The following POMZP3 variants were observed in gnomAD, a reference collection of about 807,000 sequenced individuals.
POMZP3 encodes POM121 and ZP3 fusion.
Under a neutral mutation model 19.8 loss-of-function variants are expected in POMZP3, and 10 were observed. The ratio of observed to expected loss-of-function variants is 0.51; its 90% CI spans 0.31 to 0.86. The LOEUF (loss-of-function observed/expected upper bound fraction) is 0.86, where lower values mean the gene tolerates loss of function less well. Ranked by LOEUF, POMZP3 falls within the 40% of genes least tolerant of loss-of-function variation. The pLI, the probability that POMZP3 is intolerant of heterozygous loss-of-function variation, is 0.04. For synonymous variants in POMZP3, 57 were observed against 85.8 expected (o/e 0.66, Z 1.85); for missense variants, 152 against 228.1 (o/e 0.67, Z 2.15).
chr7:76,624,698 G>T (rs1477424190), intron 3 of POMZP3, among the ~76,000 whole-genome samples: 2 of 149,552 alleles, frequency 1.3e-5, no homozygotes, highest in South Asian at 4.3e-4. Context: ...CACCTGCCTG[G>T]GCCTCTCAAG....
chr7:76,623,069 A>C (rs1218930122), intron 3 of POMZP3, among the ~76,000 whole-genome samples: 2 of 151,522 alleles, frequency 1.3e-5, no homozygotes, highest in African/African-American at 4.9e-5. Flanking sequence ...ATGGAGTTGC[A>C]CTATGTTGGC....
Position 76,618,072 on chromosome 7 carries a change from T to TG in POMZP3, c.345+110dup, listed in dbSNP as rs1298977827. 3.8e-6 allele frequency: 3 copies of TG among 786,024 alleles called. No individual in the cohort carries two copies. In the African/African-American group the frequency reaches 5.5e-5, roughly 15 times the overall value. 48.7% of individuals were successfully genotyped at this position (786,024 alleles called of 1,614,324 possible). On this transcript the variant is annotated intron_variant, in intron 4 of 6. Coordinates refer to ENST00000310842, the MANE Select transcript of POMZP3 (RefSeq NM_012230.5). ...GGCTTTACTTGTAAGTTTGAGTTAC[T>TG]GGGACACAGCTCTAAGTCATTTGCT...
intron 3 of POMZP3, among the ~76,000 whole-genome samples, chr7:76,624,917 G>C (rs1304315697): frequency 2.0e-5 from 3 of 151,002 alleles, no homozygotes; most frequent in Non-Finnish European, 4.4e-5. Context: ...CAGATCACGA[G>C]GTCAGGAGTT....
chr7:76,622,379 T>G (rs1475092231), intron 3 of POMZP3, among the ~76,000 whole-genome samples: 2 of 79,848 alleles, frequency 2.5e-5, no homozygotes, highest in Non-Finnish European at 5.3e-5. Flanking sequence ...CTCAAGTTTT[T>G]TTTTTTTTTT....
At chr7:76,614,990 G>A (rs908131341) in intron 4 of POMZP3, among the ~76,000 whole-genome samples, 6 of 117,098 alleles carry the variant, frequency 5.1e-5, no homozygotes, top group Admixed American at 8.6e-5. Flanking sequence ...TGGGATTACA[G>A]ATGTGAACCA....
At chr7:76,620,780 C>G (rs1815509623) in intron 3 of POMZP3, among the ~76,000 whole-genome samples, 1 of 149,816 alleles carries the variant, frequency 6.7e-6, no homozygotes, top group Admixed American at 6.7e-5. Flanking sequence ...TGAGCCCTTT[C>G]AAAACATGTT....
rs1815953675 is a variant in POMZP3, at chr7:76,627,172, A to G, written c.-616T>C. ...GAGGCCGACCAGCGACAGGCCGAGA[A>G]GCGCCGCCCCGGCCGGCCCTGACAC... On this transcript the variant is annotated 5_prime_UTR_variant, in exon 1 of 7. Transcript: ENST00000310842. 13 of 1,444,980 alleles carry G rather than the reference A, an allele frequency of 9.0e-6. 2 individuals carry two copies. The highest frequency in any genetic ancestry group is 1.0e-5 in the Non-Finnish European group (11 of 1,087,868). The allele number at this position is 1,444,980 out of a possible 1,614,324, so 89.5% of individuals were successfully genotyped here.
chr7:76,620,870 T>G (rs1815519483), intron 3 of POMZP3, among the ~76,000 whole-genome samples: 1 of 124,710 alleles, frequency 8.0e-6, no homozygotes, highest in Admixed American at 8.0e-5. Flanking sequence ...CATTTTTTTT[T>G]TTTTTTTTTT....
At chr7:76,621,957 A>C in intron 3 of POMZP3, among the ~76,000 whole-genome samples, 1 of 107,806 alleles carries the variant, frequency 9.3e-6, no homozygotes, top group Non-Finnish European at 2.1e-5. Context: ...ATAAATAAAT[A>C]AATAAATAAA....
chr7:76,626,698 C>T lies in POMZP3; in HGVS notation c.-152+10G>A. Reference sequence around the variant, plus strand: ...CCAAAGGATGATCTGGGAAAATCAGCGCATCTCACCGTGGGGAAGGCCTCC... The same window carrying T: ...CCAAAGGATGATCTGGGAAAATCAGTGCATCTCACCGTGGGGAAGGCCTCC... On this transcript the variant is annotated intron_variant, in intron 1 of 6. Coordinates refer to ENST00000310842, the MANE Select transcript of POMZP3 (RefSeq NM_012230.5). The T allele has an allele frequency of 2.2e-6, 3 of 1,378,176 alleles. No individual in the cohort carries two copies. The allele number at this position is 1,378,176 out of a possible 1,614,324, so 85.4% of individuals were successfully genotyped here.
At position 76,625,648 on chromosome 7, in the gene POMZP3, G is replaced by A; in HGVS notation, c.101C>T (p.Pro34Leu). 6.2e-7 allele frequency: 1 copy of A among 1,613,858 alleles called. No homozygotes were observed. Among genetic ancestry groups the A allele is most frequent in the East Asian group, 2.2e-5 (1 of 44,860 alleles). Residue 34 changes from proline (P) to leucine (L), a missense_variant, in exon 3 of 7, where the codon CCA becomes CTA. Pro to Leu is a moderately conservative substitution (Grantham distance 98, BLOSUM62 -3). Transcript: ENST00000310842. ...ACATGGGTCTGGGGCATTACTTGAT[G>A]GTGAGGACAGTGTTGAGCTGATTAT... ...EQIISSTLSS[P>L]SSNAPDPCAK...
intron 2 of POMZP3, 23 bp downstream of exon 2, chr7:76,625,977 A>G (rs1485364505): frequency 1.9e-6 from 3 of 1,613,070 alleles, no homozygotes; most frequent in Non-Finnish European, 2.5e-6. Flanking sequence ...AAGGGAGAGT[A>G]TTCTTCCAAC....
intron 6 of POMZP3, among the ~76,000 whole-genome samples, chr7:76,611,192 C>G (rs894576670): frequency 6.6e-6 from 1 of 150,954 alleles, no homozygotes; most frequent in African/African-American, 2.4e-5. Flanking sequence ...TTAACAACTG[C>G]TATATTTCCC....
intron 3 of POMZP3, among the ~76,000 whole-genome samples, chr7:76,624,581 G>A (rs1169579819): frequency 6.6e-6 from 1 of 150,982 alleles, no homozygotes; most frequent in Non-Finnish European, 1.5e-5. Flanking sequence ...GAGTAGCTGG[G>A]ACTACAGGCA....
chr7:76,623,818 G>C (rs1045772908), intron 3 of POMZP3, among the ~76,000 whole-genome samples: 1 of 151,918 alleles, frequency 6.6e-6, no homozygotes, highest in South Asian at 2.1e-4. Context: ...AAAAGAAAGA[G>C]AGAGAGAGAG....
Position 76,625,580 on chromosome 7 carries a change from TC to T in POMZP3, c.168del (p.Arg58GlyfsTer58). On this transcript the variant is annotated frameshift_variant, in exon 3 of 7. Coordinates refer to ENST00000310842, the MANE Select transcript of POMZP3 (RefSeq NM_012230.5). LOFTEE classifies it high-confidence loss of function. ...TVLSALKEKK[K>X]KRTVEEEDQI... ...TGGTCTTCTTCCTCCACTGTCCTTT[TC>T]TTCTTCTTCTCTTTGAGGGCACTCA... 6.2e-7 allele frequency: 1 copy of T among 1,611,242 alleles called. No homozygotes were observed. The highest frequency in any genetic ancestry group is 2.3e-5 in the East Asian group (1 of 43,638).
At chr7:76,624,843 A>T (rs1815776076) in intron 3 of POMZP3, among the ~76,000 whole-genome samples, 1 of 151,492 alleles carries the variant, frequency 6.6e-6, no homozygotes, top group Admixed American at 6.6e-5. Flanking sequence ...AAGACACTAG[A>T]ACTGGTGGGC....
In POMZP3 at chr7:76,611,443, C is replaced by G. The variant is rs1376953494; in HGVS notation, c.*11+11G>C. ...GACAATGAACAGCCTCTTGGCCATT[C>G]TATGACATACCATGCCTGCGGTTAC... On this transcript the variant is annotated intron_variant, in intron 6 of 6. Transcript: ENST00000310842. The G allele has an allele frequency of 2.6e-6, 4 of 1,548,418 alleles. 1 individual carries two copies. The highest frequency in any genetic ancestry group is 1.9e-5 in the Admixed American group (1 of 53,882).
At chr7:76,615,015 C>G (rs1815241925) in intron 4 of POMZP3, among the ~76,000 whole-genome samples, 2 of 122,922 alleles carry the variant, frequency 1.6e-5, no homozygotes, top group South Asian at 5.9e-4. Flanking sequence ...GCCCAGCCAC[C>G]CTATTGCTCT....
Sources: allele counts gnomAD v4.1 joint callset (sites outside exome capture counted in the v4.1 genomes callset), GRCh38; gene constraint gnomAD v4.1.1; transcripts MANE v1.5; gene names NCBI Gene and HGNC (gene_info 2026-07-23, HGNC 2026-07-21).